Variants in SYCE1L observed in about 807,000 individuals in gnomAD.
SYCE1L encodes synaptonemal complex central element protein 1 like, also known as synaptonemal complex central element protein 1-like.
In SYCE1L, 51 loss-of-function variants were observed where a neutral mutation model predicts 39.6. The observed-to-expected ratio is 1.29, with a 90% confidence interval of 1.03 to 1.63. SYCE1L has a LOEUF of 1.63. Ranked by LOEUF, SYCE1L falls within the 40% of genes most tolerant of loss-of-function variation. The pLI is 0.00. For missense variants in SYCE1L, 426 were observed against 304.9 expected (o/e 1.40, Z -2.96); for synonymous variants, 147 against 122.4 (o/e 1.20, Z -1.33).
At chr16:77,212,806 G>A (rs2054835171) in intron 10 of SYCE1L, 51 bp from the exon 11 acceptor site, 3 of 1,435,352 alleles carry the variant, frequency 2.1e-6, no homozygotes, top group South Asian at 1.4e-5. Flanking sequence ...GACGCGGGCG[G>A]ACGCGAGGAG....
chr16:77,209,912 G>T (rs908700516), intron 6 of SYCE1L, among the ~76,000 whole-genome samples: 1 of 151,974 alleles, frequency 6.6e-6, no homozygotes, highest in East Asian at 1.9e-4. Context: ...TTTTATCTCC[G>T]GCCTTCCACC....
rs2054785132 is a variant in SYCE1L, at chr16:77,206,291, G to C, written c.62-150G>C. On this transcript the variant is annotated intron_variant, in intron 1 of 10. Coordinates refer to ENST00000378644, the MANE Select transcript of SYCE1L (RefSeq NM_001129979.3). Reference sequence around the variant, plus strand: ...CTATAAACCTCAAGGGCAAGAGACGGGGGCCCTGCTTCAGATGGAAACCTG... The same window carrying C: ...CTATAAACCTCAAGGGCAAGAGACGCGGGCCCTGCTTCAGATGGAAACCTG... The C allele has an allele frequency of 6.1e-6, 4 of 653,102 alleles. No individual in the cohort carries two copies. The East Asian group carries it at 1.1e-4, about 18-fold the overall frequency. The allele number at this position is 653,102 out of a possible 1,614,324, so 40.5% of individuals were successfully genotyped here.
chr16:77,202,387 GT>G (rs1243749577), intron 1 of SYCE1L: 1 of 152,188 alleles, frequency 6.6e-6, no homozygotes, highest in African/African-American at 2.4e-5. Flanking sequence ...AAAATAAAAT[GT>G]TTAAAAGGGT....
intron 1 of SYCE1L, among the ~76,000 whole-genome samples, chr16:77,203,370 A>G (rs937238342): frequency 2.6e-5 from 4 of 152,134 alleles, no homozygotes; most frequent in Non-Finnish European, 5.9e-5. Context: ...TAATTTAAAA[A>G]TTAAAATGCA....
At position 77,208,494 on chromosome 16, in the gene SYCE1L, G is replaced by A. The variant is rs2054801250; in HGVS notation, c.211G>A (p.Glu71Lys). 1.3e-6 allele frequency: 2 copies of A among 1,551,622 alleles called. No homozygotes were observed. The highest frequency in any genetic ancestry group is 2.7e-5 in the African/African-American group (2 of 73,056). ...AKKKSSEELR[E>K]THSLWEALHR... The stretch of plus-strand genomic sequence containing the variant: ...GAAGAAATCCAGTGAGGAACTGAGA[G>A]AGACCCACAGTCTCTGGGAGGCCCT... The change falls in exon 4 of 11, where the codon GAG (glutamate) becomes AAG (lysine). Residue 71 changes from glutamate (E) to lysine (K), a missense_variant. Physicochemically the swap from Glu to Lys is moderately conservative, Grantham distance 56. Coordinates refer to ENST00000378644, the MANE Select transcript of SYCE1L (RefSeq NM_001129979.3).
At chr16:77,199,701 C>G (rs1034564539) in intron 1 of SYCE1L, 189 bp downstream of exon 1, 7 of 540,546 alleles carry the variant, frequency 1.3e-5, no homozygotes, top group Non-Finnish European at 2.3e-5. Flanking sequence ...CAGGCATATT[C>G]TTATCACCGA....
Position 77,212,284 on chromosome 16 carries a change from A to G in SYCE1L, c.496A>G (p.Arg166Gly), listed in dbSNP as rs576725590. The change falls in exon 9 of 11, where the codon AGG (arginine) becomes GGG (glycine). Residue 166 changes from arginine (R) to glycine (G), a missense_variant and splice_region_variant. Transcript: ENST00000378644. ...RSKEQLLSER[R>G]LVRAKLREVE... The stretch of plus-strand genomic sequence containing the variant: ...CCCTGACGCCCGCCCACCGACAGGG[A>G]GGCTGGTGCGCGCCAAGCTGCGGGA... 1.4e-5 allele frequency: 22 copies of G among 1,520,836 alleles called. No homozygotes were observed. The highest frequency in any genetic ancestry group is 1.3e-4 in the Admixed American group (6 of 44,654). 94.2% of individuals were successfully genotyped at this position (1,520,836 alleles called of 1,614,324 possible).
At chr16:77,211,983 C>A in intron 7 of SYCE1L, 147 bp from the exon 8 acceptor site, 1 of 945,498 alleles carries the variant, frequency 1.1e-6, no homozygotes, top group Non-Finnish European at 1.5e-6. Context: ...CCAGCCACAG[C>A]AGGAACTGCA....
chr16:77,208,718 T>A (rs566898985), intron 4 of SYCE1L, among the ~76,000 whole-genome samples, 179 bp downstream of exon 4: 1 of 152,236 alleles, frequency 6.6e-6, no homozygotes, highest in Non-Finnish European at 1.5e-5. Flanking sequence ...GATAGGCCTA[T>A]CTTGATGGTC....
chr16:77,211,194 C>G lies in SYCE1L; in HGVS notation c.360-19C>G, dbSNP rs918512730. ...CAGGCCTAGCATGTGTTCTCTTATTCCTGGGTGTCGGCCTCCAGGTTGGAT... is the reference window on the plus strand; with the variant it reads ...CAGGCCTAGCATGTGTTCTCTTATTGCTGGGTGTCGGCCTCCAGGTTGGAT... On this transcript the variant is annotated intron_variant, in intron 6 of 10. Transcript: ENST00000378644. 3 of 1,551,860 alleles carry G rather than the reference C, an allele frequency of 1.9e-6. No homozygotes were observed. The highest frequency in any genetic ancestry group is 1.2e-5 in the South Asian group (1 of 84,058).
In SYCE1L at chr16:77,212,112, T is replaced by C. The variant is rs767810275; in HGVS notation, c.424-18T>C. 2 of 1,545,192 alleles carry C rather than the reference T, an allele frequency of 1.3e-6. No homozygotes were observed. The highest frequency in any genetic ancestry group is 1.2e-5 in the South Asian group (1 of 83,512). On this transcript the variant is annotated intron_variant, in intron 7 of 10. Coordinates refer to ENST00000378644, the MANE Select transcript of SYCE1L (RefSeq NM_001129979.3). ...AAGAGGACGGCCAAACGGGGAGGCC[T>C]CCTCTTTGTCCTCGCAGATGCTGGA...
At chr16:77,212,745 G>A in intron 10 of SYCE1L, 99 bp downstream of exon 10, 1 of 1,426,308 alleles carries the variant, frequency 7.0e-7, no homozygotes, top group Non-Finnish European at 9.2e-7. Context: ...GGGTCTGTGG[G>A]GAGCAGGGCG....
intron 1 of SYCE1L, chr16:77,201,421 C>G (rs1441343632): frequency 1.3e-5 from 2 of 152,220 alleles, no homozygotes; most frequent in African/African-American, 2.4e-5. Flanking sequence ...GTTGCCATTT[C>G]TAGCCCATCA....
intron 6 of SYCE1L, 69 bp downstream of exon 6, chr16:77,209,540 G>T (rs2054808764): frequency 2.6e-6 from 4 of 1,517,752 alleles, no homozygotes; most frequent in Non-Finnish European, 3.6e-6. Flanking sequence ...CAAGAGCTGT[G>T]GAAATGAATC....
intron 9 of SYCE1L, 26 bp from the exon 10 acceptor site, chr16:77,212,548 C>T: frequency 6.5e-7 from 1 of 1,537,260 alleles, no homozygotes; most frequent in Non-Finnish European, 8.7e-7. Context: ...TCTCTTCCTC[C>T]TGTCTCCTCG....
chr16:77,211,771 G>A (rs1232496945), intron 7 of SYCE1L, among the ~76,000 whole-genome samples: 1 of 152,176 alleles, frequency 6.6e-6, no homozygotes, highest in Non-Finnish European at 1.5e-5. Context: ...CTAAGCAAGT[G>A]ACATCTCAAC....
intron 4 of SYCE1L, 31 bp downstream of exon 4, chr16:77,208,570 C>T: frequency 1.3e-6 from 2 of 1,549,018 alleles, no homozygotes; most frequent in Non-Finnish European, 1.7e-6. Flanking sequence ...GACCCATCAA[C>T]ACTGCAGATG....
Position 77,211,064 on chromosome 16 carries a change from T to C in SYCE1L, c.360-149T>C, listed in dbSNP as rs2054818792. On this transcript the variant is annotated intron_variant, in intron 6 of 10. Coordinates refer to ENST00000378644, the MANE Select transcript of SYCE1L (RefSeq NM_001129979.3). ...AGGGAGAGTTTGTTGGAAGAGGTGC[T>C]ACGGGAACCAAAGCTTAGAGGATAA... The C allele has an allele frequency of 5.0e-6, 4 of 794,646 alleles. No homozygotes were observed. The East Asian group carries it at 8.1e-5, about 16-fold the overall frequency. 49.2% of individuals were successfully genotyped at this position (794,646 alleles called of 1,614,324 possible).
chr16:77,203,870 C>T (rs1236805394), intron 1 of SYCE1L, among the ~76,000 whole-genome samples: 1 of 152,138 alleles, frequency 6.6e-6, no homozygotes, highest in African/African-American at 2.4e-5. Flanking sequence ...GCTGGGATTA[C>T]AGGCGTGAGC....
Sources: gnomAD v4.1 joint callset for allele counts (sites outside exome capture counted in the v4.1 genomes callset) on GRCh38, gnomAD v4.1.1 for gene constraint, MANE v1.5 for transcripts, NCBI Gene and HGNC (gene_info 2026-07-23, HGNC 2026-07-21) for gene names.